The following RPTOR variants were observed in gnomAD, a reference collection of about 807,000 sequenced individuals.
The protein encoded by RPTOR is regulatory associated protein of MTOR complex 1, also known as regulatory-associated protein of mTOR.
A neutral mutation model predicts 169.9 loss-of-function variants in RPTOR; 21 were observed. The ratio of observed to expected loss-of-function variants is 0.12; its 90% CI spans 0.09 to 0.18. RPTOR has a LOEUF of 0.18. Among genes scored for constraint, RPTOR ranks in the 10% least tolerant of loss-of-function variants. The probability of loss-of-function intolerance (pLI) is 1.00; values close to 1 mark genes in which losing one functional copy is unlikely to be tolerated. For synonymous variants in RPTOR, 732 were observed against 753.2 expected, an observed-to-expected ratio of 0.97 and a Z score of 0.46; for missense variants, 1,133 against 1,855.9, an observed-to-expected ratio of 0.61 and a Z score of 7.16.
intron 1 of RPTOR, among the ~76,000 whole-genome samples, chr17:80,585,199 A>G (rs200289308): frequency 4.3e-4 from 17 of 39,300 alleles, no homozygotes; most frequent in Middle Eastern, 0.011. Context: ...TATTATTATT[A>G]TTATTTTTGT....
rs200334676 is a variant in RPTOR at position 80,822,228 on chromosome 17, G to A, written c.918G>A (p.Arg306=). The A allele has an allele frequency of 2.1e-5, 34 of 1,614,114 alleles. 1 individual carries two copies. The highest frequency in any genetic ancestry group is 1.8e-5 in the Non-Finnish European group (21 of 1,180,036). Residue 306 remains arginine, a synonymous_variant, in exon 8 of 34, where the codon AGG becomes AGA. Coordinates refer to ENST00000306801, the MANE Select transcript of RPTOR (RefSeq NM_020761.3). ...EKIPGRLNDR[R]TPLGELNWIF... ...TCCCTGGCCGCCTGAACGACAGGAG[G>A]ACGCCCCTGGGTGAACTGAACTGGA... is the stretch of plus-strand genomic sequence containing the variant.
rs547545854 is a variant in RPTOR, at chr17:80,934,559, A to G, written c.2920-5937A>G. 5.9e-5 allele frequency among the ~76,000 whole-genome samples: 9 copies of G among 152,288 alleles called. No homozygotes were observed. In the South Asian group the frequency reaches 6.2e-4, roughly 11 times the overall value. ...TTGTTTACAGAGATGGGGACTCGCT[A>G]TGTTGCTCAGACTGGTCTCAAACTT... On this transcript the variant is annotated intron_variant, in intron 24 of 33. Coordinates refer to ENST00000306801, the MANE Select transcript of RPTOR (RefSeq NM_020761.3).
At chr17:80,785,394 C>G (rs2066981467) in intron 6 of RPTOR, among the ~76,000 whole-genome samples, 1 of 152,122 alleles carries the variant, frequency 6.6e-6, no homozygotes, top group African/African-American at 2.4e-5. Flanking sequence ...ACAGGCAGAC[C>G]AGGTGGTCTT....
intron 5 of RPTOR, among the ~76,000 whole-genome samples, chr17:80,732,185 C>T (rs1196429421): frequency 6.6e-6 from 1 of 151,752 alleles, no homozygotes; most frequent in South Asian, 2.1e-4. Context: ...GATTTTTTTA[C>T]ATTTATAATA....
intron 6 of RPTOR, among the ~76,000 whole-genome samples, chr17:80,789,140 A>G (rs1016766427): frequency 6.6e-6 from 1 of 152,204 alleles, no homozygotes; most frequent in African/African-American, 2.4e-5. Context: ...GCCAATAATT[A>G]TTTTTATAAT....
intron 3 of RPTOR, among the ~76,000 whole-genome samples, chr17:80,676,113 G>C (rs1239657317): frequency 6.6e-6 from 1 of 151,776 alleles, no homozygotes; most frequent in African/African-American, 2.4e-5. Flanking sequence ...TGTTTACTAA[G>C]AATTGAAGGT....
intron 5 of RPTOR, among the ~76,000 whole-genome samples, chr17:80,735,242 T>C (rs2066424699): frequency 6.6e-6 from 1 of 152,168 alleles, no homozygotes; most frequent in Non-Finnish European, 1.5e-5. Context: ...TTATCGATAG[T>C]GTAGATATGG....
intron 1 of RPTOR, among the ~76,000 whole-genome samples, chr17:80,614,863 G>A (rs544663742): frequency 9.2e-5 from 14 of 152,192 alleles, no homozygotes; most frequent in African/African-American, 2.9e-4. Context: ...GGATACTTGC[G>A]TGTGCTGTTG....
chr17:80,645,489 A>G (rs1289417758), intron 3 of RPTOR, among the ~76,000 whole-genome samples: 2 of 152,252 alleles, frequency 1.3e-5, no homozygotes, highest in African/African-American at 4.8e-5. Context: ...AAGGAAATAT[A>G]GCCTTTCAGA....
intron 23 of RPTOR, 86 bp from the exon 24 acceptor site, chr17:80,925,284 C>T: frequency 8.4e-7 from 1 of 1,194,310 alleles, no homozygotes; most frequent in African/African-American, 1.5e-5. Flanking sequence ...CGCCTTTGTC[C>T]CCAGCTGCAG....
chr17:80,962,794 A>G, intron 32 of RPTOR, 134 bp from the exon 33 acceptor site: 1 of 1,453,328 alleles, frequency 6.9e-7, no homozygotes, highest in Non-Finnish European at 9.3e-7. Flanking sequence ...GAGAGTGACC[A>G]GAGGGTCACA....
At chr17:80,574,477 TC>T (rs1286095395) in intron 1 of RPTOR, among the ~76,000 whole-genome samples, 1 of 152,004 alleles carries the variant, frequency 6.6e-6, no homozygotes, top group East Asian at 1.9e-4. Context: ...GTTTTTTTTT[TC>T]TTTTTGAGTC....
chr17:80,605,459 C>A (rs1052316008), intron 1 of RPTOR, among the ~76,000 whole-genome samples: 1 of 152,142 alleles, frequency 6.6e-6, no homozygotes, highest in Non-Finnish European at 1.5e-5. Context: ...AGAGCCTGCG[C>A]AGGGTTTTTC....
chr17:80,613,825 T>G (rs1599602540), intron 1 of RPTOR, among the ~76,000 whole-genome samples: 1 of 150,450 alleles, frequency 6.6e-6, no homozygotes, highest in South Asian at 2.1e-4. Context: ...TGCTCTCTGT[T>G]GTTGAATGAA....
At chr17:80,757,844 T>C (rs1414843378) in intron 6 of RPTOR, among the ~76,000 whole-genome samples, 1 of 152,106 alleles carries the variant, frequency 6.6e-6, no homozygotes, top group Non-Finnish European at 1.5e-5. Flanking sequence ...CTCATTGTAG[T>C]CTTCCAGGAT....
intron 9 of RPTOR, among the ~76,000 whole-genome samples, chr17:80,825,281 A>G (rs2067428670): frequency 6.7e-6 from 1 of 148,934 alleles, no homozygotes; most frequent in Non-Finnish European, 1.5e-5. Flanking sequence ...GCCACATCCC[A>G]CCTCTCCCTC....
In RPTOR at chr17:80,878,841, T is replaced by C. The variant is rs1406809889; in HGVS notation, c.1510-1574T>C. On this transcript the variant is annotated intron_variant, in intron 13 of 33. Transcript: ENST00000306801. The surrounding 1 kb of genome is among the most constrained non-coding windows in gnomAD (Gnocchi z 4.1). The stretch of plus-strand genomic sequence containing the variant: ...CTTCCAGAGCCAGCACTTGCAGAAG[T>C]GTCCCCAAGTTAGGCAGCCTGGTGT... 6.6e-6 allele frequency among the ~76,000 whole-genome samples: 1 copy of C among 152,174 alleles called. No individual in the cohort carries two copies. Among genetic ancestry groups the C allele is most frequent in the Non-Finnish European group, 1.5e-5 (1 of 68,028 alleles).
At chr17:80,615,171 C>T (rs748288718) in intron 1 of RPTOR, among the ~76,000 whole-genome samples, 1 of 152,156 alleles carries the variant, frequency 6.6e-6, no homozygotes, top group South Asian at 2.1e-4. Flanking sequence ...CGGTCCCTGA[C>T]GTTATGGTAG....
chr17:80,866,405 G>T (rs970695196), intron 13 of RPTOR, among the ~76,000 whole-genome samples: 1 of 152,116 alleles, frequency 6.6e-6, no homozygotes, highest in Non-Finnish European at 1.5e-5. Flanking sequence ...CAGCGTGAGT[G>T]GAGTAAACCC....
Sources: allele counts gnomAD v4.1 joint callset (sites outside exome capture counted in the v4.1 genomes callset), GRCh38; gene constraint gnomAD v4.1.1; non-coding constraint Gnocchi (gnomAD v3.1); transcripts MANE v1.5; gene names NCBI Gene and HGNC (gene_info 2026-07-23, HGNC 2026-07-21).